Variants in TMPRSS11D observed in about 807,000 individuals in gnomAD.
TMPRSS11D encodes the protein transmembrane protease serine 11D.
A neutral mutation model predicts 44.4 loss-of-function variants in TMPRSS11D; 32 were observed. That is an observed-to-expected ratio of 0.72 (90% CI 0.54 to 0.97). The LOEUF (loss-of-function observed/expected upper bound fraction) is 0.97, where lower values mean the gene tolerates loss of function less well. Among genes scored for constraint, TMPRSS11D ranks in the 50% least tolerant of loss-of-function variants. The pLI is 0.00. For synonymous variants in TMPRSS11D, 179 were observed against 177.9 expected, an observed-to-expected ratio of 1.01 and a Z score of -0.05; for missense variants, 446 against 502.6, an observed-to-expected ratio of 0.89 and a Z score of 1.08.
intron 1 of TMPRSS11D, among the ~76,000 whole-genome samples, chr4:67,883,070 A>C (rs1222521932): frequency 1.3e-5 from 2 of 151,910 alleles, no homozygotes; most frequent in Non-Finnish European, 2.9e-5. Flanking sequence ...TATTACTTAA[A>C]ATGGTTTGAC....
intron 2 of TMPRSS11D, among the ~76,000 whole-genome samples, chr4:67,857,664 C>T (rs1239012995): frequency 6.6e-6 from 1 of 152,032 alleles, no homozygotes; most frequent in African/African-American, 2.4e-5. Context: ...AAAAGTTGAT[C>T]TCATCAATGT....
chr4:67,843,104 C>CTTTTT (rs35756612), intron 3 of TMPRSS11D, among the ~76,000 whole-genome samples: 3 of 109,404 alleles, frequency 2.7e-5, no homozygotes, highest in African/African-American at 9.8e-5. Context: ...AAAGGGCAGT[C>CTTTTT]TTTTTTTTTT....
chr4:67,875,126 T>A lies in TMPRSS11D; in HGVS notation c.8+8800A>T, dbSNP rs112499992. Reference sequence around the variant, plus strand: ...TCTCAGTTTTATTTTCCCAGGAGGATTTTGTATTATAATGAAATGAACAGA... The same window carrying A: ...TCTCAGTTTTATTTTCCCAGGAGGAATTTGTATTATAATGAAATGAACAGA... On this transcript the variant is annotated intron_variant, in intron 1 of 9. Coordinates refer to ENST00000283916, the MANE Select transcript of TMPRSS11D (RefSeq NM_004262.3). Among the ~76,000 whole-genome samples the A allele has an allele frequency of 3.4e-3, 523 of 152,272 alleles. 6 individuals are homozygous for A. Among genetic ancestry groups the A allele is most frequent in the African/African-American group, 0.012 (491 of 41,550 alleles).
chr4:67,824,788 A>G (rs1252037455), intron 9 of TMPRSS11D, among the ~76,000 whole-genome samples: 1 of 152,130 alleles, frequency 6.6e-6, no homozygotes, highest in Admixed American at 6.6e-5. Flanking sequence ...CAATTCACCC[A>G]TGAAAACAGC....
At chr4:67,858,675 T>C (rs1412861588) in intron 2 of TMPRSS11D, among the ~76,000 whole-genome samples, 1 of 152,144 alleles carries the variant, frequency 6.6e-6, no homozygotes, top group Non-Finnish European at 1.5e-5. Context: ...CATACCCATG[T>C]ACACACCTGC....
At chr4:67,865,978 T>G (rs1718916137) in intron 1 of TMPRSS11D, among the ~76,000 whole-genome samples, 1 of 151,934 alleles carries the variant, frequency 6.6e-6, no homozygotes, top group African/African-American at 2.4e-5. Context: ...GGAGGGAATC[T>G]TTCCGAACTC....
intron 3 of TMPRSS11D, among the ~76,000 whole-genome samples, chr4:67,853,478 A>G (rs1478253348): frequency 6.6e-6 from 1 of 152,168 alleles, no homozygotes. Context: ...AGTGAGTGAC[A>G]CTGAGACTGG....
chr4:67,837,774 G>A (rs1362153452), intron 5 of TMPRSS11D, among the ~76,000 whole-genome samples: 10 of 151,400 alleles, frequency 6.6e-5, no homozygotes, highest in Non-Finnish European at 1.2e-4. Flanking sequence ...AGATAACTTT[G>A]TAATTTCAAT....
intron 1 of TMPRSS11D, among the ~76,000 whole-genome samples, chr4:67,882,372 T>TA (rs1227184166): frequency 6.6e-6 from 1 of 152,166 alleles, no homozygotes; most frequent in East Asian, 1.9e-4. Context: ...ATTAAAGAGA[T>TA]AAAATATTCC....
At chr4:67,876,984 T>C (rs1345833316) in intron 1 of TMPRSS11D, among the ~76,000 whole-genome samples, 2 of 152,228 alleles carry the variant, frequency 1.3e-5, no homozygotes, top group African/African-American at 4.8e-5. Flanking sequence ...TTCCATACTC[T>C]TTTTCTTTCT....
intron 1 of TMPRSS11D, among the ~76,000 whole-genome samples, chr4:67,873,802 A>G (rs373557949): frequency 3.3e-5 from 5 of 152,256 alleles, no homozygotes; most frequent in African/African-American, 9.6e-5. Context: ...AGATCAGAGA[A>G]AAGTGGAGTG....
chr4:67,861,922 T>C (rs572807672), intron 1 of TMPRSS11D, among the ~76,000 whole-genome samples: 1 of 152,248 alleles, frequency 6.6e-6, no homozygotes, highest in South Asian at 2.1e-4. Context: ...TAACACAAAC[T>C]AAATTGTGTA....
chr4:67,854,309 AG>A (rs1166001272), intron 2 of TMPRSS11D, 123 bp from the exon 3 acceptor site: 2 of 535,528 alleles, frequency 3.7e-6, no homozygotes, highest in Non-Finnish European at 3.3e-6. Flanking sequence ...TGAAAGAAAA[AG>A]TTCTATGCTT....
chr4:67,855,191 G>GT (rs1718605524), intron 2 of TMPRSS11D, among the ~76,000 whole-genome samples: 1 of 149,834 alleles, frequency 6.7e-6, no homozygotes, highest in South Asian at 2.1e-4. Context: ...GGAGGCAGAG[G>GT]TTAAAGTGAG....
At chr4:67,868,513 C>T (rs974557561) in intron 1 of TMPRSS11D, among the ~76,000 whole-genome samples, 2 of 152,144 alleles carry the variant, frequency 1.3e-5, no homozygotes, top group African/African-American at 4.8e-5. Context: ...GACATGTGAG[C>T]TATGCCTTGA....
intron 1 of TMPRSS11D, among the ~76,000 whole-genome samples, chr4:67,863,873 C>T (rs570675423): frequency 6.6e-6 from 1 of 151,926 alleles, no homozygotes; most frequent in South Asian, 2.1e-4. Flanking sequence ...AGCAAGATAC[C>T]TAGAACTGAA....
intron 1 of TMPRSS11D, among the ~76,000 whole-genome samples, chr4:67,883,020 T>C (rs1392654446): frequency 6.6e-6 from 1 of 151,798 alleles, no homozygotes; most frequent in Admixed American, 6.6e-5. Flanking sequence ...TTTTCACTCA[T>C]ATATATATAT....
chr4:67,858,561 A>C (rs1196640505), intron 2 of TMPRSS11D, among the ~76,000 whole-genome samples: 1 of 152,144 alleles, frequency 6.6e-6, no homozygotes, highest in Non-Finnish European at 1.5e-5. Flanking sequence ...ATTTTATTGC[A>C]CCATTGGAAG....
chr4:67,822,594 T>A, intron 9 of TMPRSS11D, 96 bp from the exon 10 acceptor site: 7 of 1,320,446 alleles, frequency 5.3e-6, no homozygotes, highest in Non-Finnish European at 5.3e-6. Flanking sequence ...GGAGTCACAT[T>A]CATTATACAA....
Sources: gnomAD v4.1 joint callset for allele counts (sites outside exome capture counted in the v4.1 genomes callset) on GRCh38, gnomAD v4.1.1 for gene constraint, MANE v1.5 for transcripts, NCBI Gene and HGNC (gene_info 2026-07-23, HGNC 2026-07-21) for gene names.